Variants in CAMK1G observed in about 807,000 individuals in gnomAD.
The protein encoded by CAMK1G is calcium/calmodulin dependent protein kinase IG.
CAMK1G carries 27 observed loss-of-function variants against 54.8 expected under a neutral mutation model. The ratio of observed to expected loss-of-function variants is 0.49; its 90% CI spans 0.36 to 0.68. The LOEUF (loss-of-function observed/expected upper bound fraction) is 0.68, where lower values mean the gene tolerates loss of function less well. CAMK1G is among the 30% of genes least tolerant of loss of function. CAMK1G has a pLI of 0.00. For missense variants in CAMK1G, 512 were observed against 591.0 expected, an observed-to-expected ratio of 0.87 and a Z score of 1.39; for synonymous variants, 238 against 224.9, an observed-to-expected ratio of 1.06 and a Z score of -0.52.
chr1:209,588,360 T>G (rs1470529113), intron 1 of CAMK1G, among the ~76,000 whole-genome samples: 1 of 7,934 alleles, frequency 1.3e-4, no homozygotes, highest in Non-Finnish European at 4.1e-4. Context: ...CGGAATGGAT[T>G]GGATTGGATT....
At position 209,605,617 on chromosome 1, in the gene CAMK1G, G is replaced by C; in HGVS notation, c.378G>C (p.Gln126His). 6.2e-7 allele frequency: 1 copy of C among 1,614,152 alleles called. No individual in the cohort carries two copies. Among genetic ancestry groups the C allele is most frequent in the East Asian group, 2.2e-5 (1 of 44,884 alleles). The change falls in exon 5 of 13, where the codon CAG becomes CAC. Residue 126 changes from glutamine to histidine, a missense_variant. Gln to His is a conservative substitution (Grantham distance 24). Around this residue, in one of 3 missense-constraint regions of CAMK1G, gnomAD observed 186 missense variants for 231.5 expected, o/e 0.80. Coordinates refer to ENST00000361322, the MANE Select transcript of CAMK1G (RefSeq NM_020439.3). ...TEKDASLVIQ[Q>H]VLSAVKYLHE... ...AGGATGCCAGTCTGGTGATCCAGCA[G>C]GTCTTGTCGGCAGTGAAATACCTAC...
chr1:209,605,115 G>T (rs1665617106), intron 4 of CAMK1G, among the ~76,000 whole-genome samples: 1 of 152,062 alleles, frequency 6.6e-6, no homozygotes, highest in Admixed American at 6.6e-5. Flanking sequence ...ATATAAGTAC[G>T]GTTAGTCTCA....
At chr1:209,611,065 A>T (rs1047476516) in intron 9 of CAMK1G, among the ~76,000 whole-genome samples, 1 of 152,306 alleles carries the variant, frequency 6.6e-6, no homozygotes, top group East Asian at 1.9e-4. Context: ...AAAGCATCAG[A>T]TAGTAAATAT....
At chr1:209,606,488 A>G (rs775310880) in intron 6 of CAMK1G, 45 bp downstream of exon 6, 6 of 1,600,470 alleles carry the variant, frequency 3.7e-6, no homozygotes, top group African/African-American at 1.3e-5. Flanking sequence ...GGCTACATTC[A>G]ACCACATGCC....
At chr1:209,599,839 G>A (rs1665483144) in intron 2 of CAMK1G, 144 bp from the exon 3 acceptor site, 9 of 971,048 alleles carry the variant, frequency 9.3e-6, no homozygotes, top group Non-Finnish European at 1.3e-5. Context: ...CTTTCCTGAT[G>A]TTTCTTCCAG....
chr1:209,592,188 A>G (rs1665271514), intron 1 of CAMK1G, among the ~76,000 whole-genome samples: 1 of 151,932 alleles, frequency 6.6e-6, no homozygotes, highest in Non-Finnish European at 1.5e-5. Flanking sequence ...CTTTGGAAAA[A>G]AAATTAATAT....
chr1:209,606,439 CGTGGG>C lies in CAMK1G; in HGVS notation c.556_559+1del. ...CCACTGCCTGTGGGACCCCAGGCTA[CGTGGG>C]TAAGTCTGGGAGCAGGAGGAAGGTT... is the stretch of plus-strand genomic sequence containing the variant. On this transcript the variant is annotated splice_donor_variant and coding_sequence_variant, in exon 6 of 13. Transcript: ENST00000361322. LOFTEE classifies it high-confidence loss of function. 3 of 1,613,642 alleles carry C rather than the reference CGTGGG, an allele frequency of 1.9e-6. No homozygotes were observed. Among genetic ancestry groups the C allele is most frequent in the Non-Finnish European group, 1.7e-6 (2 of 1,179,756 alleles).
chr1:209,595,161 T>C (rs923301725), intron 2 of CAMK1G, 86 bp downstream of exon 2: 6 of 905,856 alleles, frequency 6.6e-6, no homozygotes, highest in Middle Eastern at 2.4e-4. Context: ...CAGCAATTGA[T>C]GAACTGGACT....
intron 1 of CAMK1G, among the ~76,000 whole-genome samples, chr1:209,584,643 C>T (rs976801657): frequency 2.0e-5 from 3 of 152,134 alleles, no homozygotes. Context: ...CCAGGGCTCA[C>T]GCTGGTCTGG....
chr1:209,605,272 C>A (rs182991837), intron 4 of CAMK1G, among the ~76,000 whole-genome samples: 328 of 152,254 alleles, frequency 2.2e-3, no homozygotes, highest in African/African-American at 7.3e-3. Context: ...CAGCCCCAAC[C>A]AGAAGCATTT....
rs373905967 is a variant in CAMK1G, at chr1:209,609,248, T to C, written c.748+156T>C. On this transcript the variant is annotated intron_variant, in intron 8 of 12. Transcript: ENST00000361322. ...GAAAGTGGAGAAATCTTCGTCTGCT[T>C]CAAAGACCCGATAAATTATTTACAT... 2.4e-4 allele frequency among the ~76,000 whole-genome samples: 37 copies of C among 152,306 alleles called. No homozygotes were observed. In the South Asian group the frequency reaches 7.5e-3, roughly 31 times the overall value.
intron 1 of CAMK1G, among the ~76,000 whole-genome samples, chr1:209,591,406 T>C (rs1665246134): frequency 6.6e-6 from 1 of 152,236 alleles, no homozygotes; most frequent in African/African-American, 2.4e-5. Flanking sequence ...GGTTGCAAGT[T>C]GACACATTAT....
intron 1 of CAMK1G, among the ~76,000 whole-genome samples, chr1:209,587,577 G>A (rs780068718): frequency 2.6e-5 from 4 of 151,994 alleles, no homozygotes; most frequent in African/African-American, 4.8e-5. Context: ...GAGTCACCCA[G>A]GACTAAGATA....
At chr1:209,589,176 A>T (rs937382103) in intron 1 of CAMK1G, among the ~76,000 whole-genome samples, 1 of 152,216 alleles carries the variant, frequency 6.6e-6, no homozygotes, top group Non-Finnish European at 1.5e-5. Context: ...TTACAGAAGA[A>T]AGGACTGGCT....
chr1:209,595,175 G>A, intron 2 of CAMK1G, 100 bp downstream of exon 2: 4 of 822,790 alleles, frequency 4.9e-6, no homozygotes, highest in Non-Finnish European at 6.1e-6. Flanking sequence ...CTGGACTGAG[G>A]CTGCTGTGAC....
Position 209,595,064 on chromosome 1 carries a change from A to C in CAMK1G, c.81A>C (p.Glu27Asp). The C allele has an allele frequency of 1.2e-6, 2 of 1,613,824 alleles. No individual in the cohort carries two copies. Among genetic ancestry groups the C allele is most frequent in the Non-Finnish European group, 1.7e-6 (2 of 1,179,770 alleles). The change falls in exon 2 of 13, where the codon GAA becomes GAC. Residue 27 changes from glutamate to aspartate, a missense_variant. Around this residue, in one of 3 missense-constraint regions of CAMK1G, gnomAD observed 186 missense variants for 231.5 expected, o/e 0.80. Coordinates refer to ENST00000361322, the MANE Select transcript of CAMK1G (RefSeq NM_020439.3). ...TNIRKTFIFM[E>D]VLGSGAFSEV... ...TCCGGAAAACCTTCATTTTTATGGA[A>C]GTGCTGGGATCGTAAGTCCTGGGGC...
At chr1:209,606,170 T>C in intron 5 of CAMK1G, 150 bp from the exon 6 acceptor site, 1 of 970,866 alleles carries the variant, frequency 1.0e-6, no homozygotes, top group Non-Finnish European at 1.6e-6. Context: ...AGGGTGCAGG[T>C]AGGAGGAAGA....
chr1:209,595,187 T>G, intron 2 of CAMK1G, 112 bp downstream of exon 2: 1 of 746,232 alleles, frequency 1.3e-6, no homozygotes, highest in Non-Finnish European at 2.3e-6. Context: ...TGCTGTGACT[T>G]CATTTCGATT....
intron 1 of CAMK1G, among the ~76,000 whole-genome samples, chr1:209,592,206 G>T (rs1236813454): frequency 6.6e-6 from 1 of 151,850 alleles, no homozygotes; most frequent in Non-Finnish European, 1.5e-5. Context: ...TATTTGGCAG[G>T]CGTGTTGATG....
Sources: gnomAD v4.1 joint callset for allele counts (sites outside exome capture counted in the v4.1 genomes callset) on GRCh38, gnomAD v4.1.1 for gene constraint, gnomAD v4.1.1 regional missense constraint, MANE v1.5 for transcripts, NCBI Gene and HGNC (gene_info 2026-07-23, HGNC 2026-07-21) for gene names.